CYSTM1: variants seen among roughly 807,000 people sequenced by gnomAD.
CYSTM1 encodes the protein cysteine-rich transmembrane module-containing protein 1.
In CYSTM1, 4 loss-of-function variants were observed where a neutral mutation model predicts 13.1. The ratio of observed to expected loss-of-function variants is 0.31; its 90% confidence interval spans 0.15 to 0.70. The LOEUF is 0.70. Among genes scored for constraint, CYSTM1 ranks in the 30% least tolerant of loss-of-function variants. CYSTM1 has a pLI of 0.72. For missense variants in CYSTM1, 96 were observed against 121.6 expected, an observed-to-expected ratio of 0.79 and a Z score of 0.99; for synonymous variants, 36 against 42.7, an observed-to-expected ratio of 0.84 and a Z score of 0.62.
At chr5:140,178,441 C>CTTTTT (rs577709524) in intron 1 of CYSTM1, among the ~76,000 whole-genome samples, 21 of 52,662 alleles carry the variant, frequency 4.0e-4, no homozygotes, top group South Asian at 1.5e-3. Flanking sequence ...CAAGTCCTTC[C>CTTTTT]TTTTTTTTTT....
At chr5:140,213,738 A>G (rs1224762066) in intron 2 of CYSTM1, among the ~76,000 whole-genome samples, 12 of 152,246 alleles carry the variant, frequency 7.9e-5, no homozygotes, top group Non-Finnish European at 1.3e-4. Context: ...ATATAGCAAC[A>G]TGCTGTACGC....
At chr5:140,176,868 G>GGTC (rs1326963647) in intron 1 of CYSTM1, among the ~76,000 whole-genome samples, 3 of 152,054 alleles carry the variant, frequency 2.0e-5, no homozygotes, top group African/African-American at 7.3e-5. Context: ...AGGAGATCGA[G>GGTC]ACCATCCTGA....
At chr5:140,212,197 G>A (rs887333035) in intron 2 of CYSTM1, among the ~76,000 whole-genome samples, 2 of 152,148 alleles carry the variant, frequency 1.3e-5, no homozygotes, top group African/African-American at 2.4e-5. Context: ...TTTCAAATTT[G>A]TATTCTTAAC....
rs183821905 is a variant in CYSTM1, at chr5:140,192,832, G to A, written c.-20-1614G>A. ...ACCCCGATTGGCTTAGATAGACTGG[G>A]TTCACCCTGGAGCTGGATGGGATGA... is the stretch of plus-strand genomic sequence containing the variant. On this transcript the variant is annotated intron_variant, in intron 1 of 2. Transcript: ENST00000261811. Among the ~76,000 whole-genome samples, 337 of 152,268 alleles carry A rather than the reference G, an allele frequency of 2.2e-3. 2 individuals carry two copies. Among genetic ancestry groups the A allele is most frequent in the Non-Finnish European group, 1.0e-3 (70 of 68,026 alleles).
intron 2 of CYSTM1, among the ~76,000 whole-genome samples, chr5:140,224,625 A>G (rs1246056405): frequency 1.3e-5 from 2 of 151,932 alleles, no homozygotes; most frequent in African/African-American, 4.8e-5. Context: ...GGCTCAAGCA[A>G]TCCTCCTGCT....
intron 2 of CYSTM1, among the ~76,000 whole-genome samples, chr5:140,203,648 C>T (rs997238682): frequency 4.6e-5 from 7 of 152,114 alleles, no homozygotes; most frequent in African/African-American, 1.7e-4. Context: ...AAAAATTAAA[C>T]ACTATAACTA....
chr5:140,177,078 A>AAAAAAAAAC (rs1554131563), intron 1 of CYSTM1, among the ~76,000 whole-genome samples: 3 of 135,614 alleles, frequency 2.2e-5, no homozygotes, highest in South Asian at 4.8e-4. Context: ...CAAAAAAAAA[A>AAAAAAAAAC]AAAAAAAAAT....
intron 1 of CYSTM1, among the ~76,000 whole-genome samples, chr5:140,189,377 C>T (rs1258865734): frequency 4.0e-5 from 6 of 151,866 alleles, no homozygotes; most frequent in Admixed American, 1.3e-4. Flanking sequence ...CTTTGTCTTC[C>T]ACCATGATTG....
intron 2 of CYSTM1, among the ~76,000 whole-genome samples, chr5:140,209,849 C>T (rs148034256): frequency 0.012 from 1,898 of 152,260 alleles, 38 homozygotes; most frequent in African/African-American, 0.041. Flanking sequence ...CGTGAGCCAC[C>T]GCGCCTGGCT....
chr5:140,177,078 A>AAAAAAAAAAAAAAAC lies in CYSTM1; in HGVS notation c.-21+1802_-21+1803insAAAAACAAAAAAAAA, dbSNP rs10679899. 1.1e-3 allele frequency among the ~76,000 whole-genome samples: 153 copies of AAAAAAAAAAAAAAAC among 135,548 alleles called. 1 individual carries two copies. The highest frequency in any genetic ancestry group is 2.9e-3 in the South Asian group (12 of 4,140). The allele number at this position is 135,548 out of a possible 152,430, so 88.9% of individuals were successfully genotyped here. On this transcript the variant is annotated intron_variant, in intron 1 of 2. Transcript: ENST00000261811. Reference sequence around the variant, plus strand: ...AGCGAGACTCTGTCTCAAAAAAAAAAAAAAAAAAATCTCTAGTCCTTTCCT... The same window carrying AAAAAAAAAAAAAAAC: ...AGCGAGACTCTGTCTCAAAAAAAAAAAAAAAAAAAAAAAACAAAAAAAAATCTCTAGTCCTTTCCT...
intron 2 of CYSTM1, among the ~76,000 whole-genome samples, chr5:140,198,707 T>C (rs140691495): frequency 6.6e-6 from 1 of 152,338 alleles, no homozygotes; most frequent in East Asian, 1.9e-4. Context: ...ATATTCGACA[T>C]ACAATTCATG....
At chr5:140,227,963 A>C (rs1404015417) in intron 2 of CYSTM1, among the ~76,000 whole-genome samples, 1 of 152,188 alleles carries the variant, frequency 6.6e-6, no homozygotes, top group East Asian at 1.9e-4. Context: ...TATTGTACAA[A>C]TAAAATAGAT....
At chr5:140,240,155 C>T (rs1048855464) in intron 2 of CYSTM1, among the ~76,000 whole-genome samples, 1 of 148,040 alleles carries the variant, frequency 6.8e-6, no homozygotes, top group Non-Finnish European at 1.5e-5. Context: ...AAAGGTGGTG[C>T]CTGTTACCAT....
At chr5:140,184,104 T>C (rs1430757697) in intron 1 of CYSTM1, among the ~76,000 whole-genome samples, 3 of 134,422 alleles carry the variant, frequency 2.2e-5, no homozygotes, top group East Asian at 4.4e-4. Flanking sequence ...TAATGTACAG[T>C]TTAATCAATA....
intron 2 of CYSTM1, among the ~76,000 whole-genome samples, chr5:140,221,383 A>G (rs1581069360): frequency 1.3e-5 from 2 of 152,120 alleles, no homozygotes; most frequent in South Asian, 4.2e-4. Flanking sequence ...ATTTTCTCCT[A>G]CCTCCAGCCC....
chr5:140,204,519 C>G (rs984574702), intron 2 of CYSTM1, among the ~76,000 whole-genome samples: 9 of 151,832 alleles, frequency 5.9e-5, no homozygotes. Context: ...TTATCTGCAC[C>G]CCCCCACCCC....
intron 2 of CYSTM1, among the ~76,000 whole-genome samples, chr5:140,233,118 G>C (rs1173369016): frequency 2.0e-5 from 3 of 152,176 alleles, no homozygotes; most frequent in African/African-American, 7.2e-5. Flanking sequence ...TAGAATTGCT[G>C]TGGTTGAGGC....
chr5:140,178,030 T>G (rs995881951), intron 1 of CYSTM1, among the ~76,000 whole-genome samples: 4 of 152,226 alleles, frequency 2.6e-5, no homozygotes, highest in Non-Finnish European at 5.9e-5. Context: ...GGTAGAGAAC[T>G]TAAGACTTTA....
chr5:140,237,110 T>C (rs1203385508), intron 2 of CYSTM1, among the ~76,000 whole-genome samples: 3 of 152,120 alleles, frequency 2.0e-5, no homozygotes. Flanking sequence ...TGGCGGGTGG[T>C]GGCTGAGGGG....
Sources: gnomAD v4.1 joint callset for allele counts (sites outside exome capture counted in the v4.1 genomes callset) on GRCh38, gnomAD v4.1.1 for gene constraint, MANE v1.5 for transcripts, NCBI Gene and HGNC (gene_info 2026-07-23, HGNC 2026-07-21) for gene names.